Variants in BMPR2 observed in about 807,000 individuals in gnomAD.
BMPR2 encodes the protein bone morphogenetic protein receptor type-2.
BMPR2 carries 29 observed loss-of-function variants against 100.8 expected under a neutral mutation model. That is an observed-to-expected ratio of 0.29 (90% CI 0.21 to 0.39). The LOEUF (loss-of-function observed/expected upper bound fraction) is 0.39, where lower values mean the gene tolerates loss of function less well. Among genes scored for constraint, BMPR2 ranks in the 10% least tolerant of loss-of-function variants. The probability of loss-of-function intolerance (pLI) is 1.00; values close to 1 mark genes in which losing one functional copy is unlikely to be tolerated. For missense variants in BMPR2, 1,011 were observed against 1,274.5 expected, an observed-to-expected ratio of 0.79 and a Z score of 3.15; for synonymous variants, 382 against 442.3, an observed-to-expected ratio of 0.86 and a Z score of 1.71.
At chr2:202,390,540 T>C (rs565056948) in intron 1 of BMPR2, among the ~76,000 whole-genome samples, 30 of 151,986 alleles carry the variant, frequency 2.0e-4, no homozygotes, top group Middle Eastern at 6.8e-3. Flanking sequence ...CCATGTTGGC[T>C]GGGCTGGTCT....
intron 3 of BMPR2, among the ~76,000 whole-genome samples, chr2:202,490,037 G>A (rs183125955): frequency 1.4e-3 from 210 of 152,264 alleles, no homozygotes; most frequent in African/African-American, 5.0e-3. Flanking sequence ...TGGGACCCAC[G>A]ATCAAGGGGC....
chr2:202,559,765 A>G lies in BMPR2; in HGVS notation c.2936A>G (p.Tyr979Cys). The change falls in exon 13 of 13, where the codon TAT becomes TGT. Residue 979 changes from tyrosine to cysteine, a missense_variant. By Grantham distance (194) the Tyr-to-Cys change is radical (BLOSUM62 -2). Coordinates refer to ENST00000374580, the MANE Select transcript of BMPR2 (RefSeq NM_001204.7). ...EKIKKRVKTPYSLKRWRPSTW... is the reference protein window; with the variant it reads ...EKIKKRVKTPCSLKRWRPSTW... ...ATCAAGAAACGTGTGAAAACTCCCT[A>G]TTCTCTTAAGCGGTGGCGCCCCTCC... 6.2e-7 allele frequency: 1 copy of G among 1,614,126 alleles called. No homozygotes were observed. The highest frequency in any genetic ancestry group is 8.5e-7 in the Non-Finnish European group (1 of 1,180,014).
chr2:202,437,784 CAT>C (rs1379556424), intron 1 of BMPR2, among the ~76,000 whole-genome samples: 1 of 150,690 alleles, frequency 6.6e-6, no homozygotes, highest in Non-Finnish European at 1.5e-5. Context: ...CATGTTGTAA[CAT>C]ATATCCAGCA....
At chr2:202,512,654 A>G (rs1453108342) in intron 3 of BMPR2, among the ~76,000 whole-genome samples, 2 of 152,134 alleles carry the variant, frequency 1.3e-5, no homozygotes, top group Admixed American at 6.5e-5. Flanking sequence ...CCTAAAGGGT[A>G]TTTGCTCTAG....
intron 1 of BMPR2, among the ~76,000 whole-genome samples, chr2:202,396,152 G>A (rs1209158373): frequency 6.6e-6 from 1 of 152,162 alleles, no homozygotes; most frequent in Non-Finnish European, 1.5e-5. Flanking sequence ...ACATGAAAAG[G>A]AAGGGAAAAA....
At chr2:202,513,676 T>G in intron 3 of BMPR2, 43 bp from the exon 4 acceptor site, 1 of 1,127,086 alleles carries the variant, frequency 8.9e-7, no homozygotes, top group Non-Finnish European at 1.3e-6. Flanking sequence ...AACAAAATAC[T>G]TTTTTAAAAA....
chr2:202,525,156 A>C (rs1213106434), intron 7 of BMPR2, among the ~76,000 whole-genome samples: 3 of 151,714 alleles, frequency 2.0e-5, no homozygotes, highest in Non-Finnish European at 4.4e-5. Context: ...TTAATTTTTA[A>C]TTTTTGTGGG....
intron 1 of BMPR2, among the ~76,000 whole-genome samples, chr2:202,411,043 C>CCA (rs1225895534): frequency 6.6e-6 from 1 of 152,038 alleles, no homozygotes; most frequent in African/African-American, 2.4e-5. Flanking sequence ...TAGGCGATCT[C>CCA]CATGGCAGGT....
chr2:202,547,908 AC>A (rs1688405033), intron 10 of BMPR2, among the ~76,000 whole-genome samples: 1 of 151,840 alleles, frequency 6.6e-6, no homozygotes, highest in South Asian at 2.1e-4. Flanking sequence ...ACATGGTGAA[AC>A]CCTGTCTCTA....
chr2:202,457,564 AG>A (rs1692144855), intron 1 of BMPR2, among the ~76,000 whole-genome samples: 1 of 41,868 alleles, frequency 2.4e-5, no homozygotes, highest in Non-Finnish European at 4.9e-5. Flanking sequence ...ATATATATAG[AG>A]AGAGAGAGAG....
At chr2:202,462,355 G>C (rs1692239665) in intron 1 of BMPR2, among the ~76,000 whole-genome samples, 1 of 151,806 alleles carries the variant, frequency 6.6e-6, no homozygotes, top group South Asian at 2.1e-4. Context: ...TGAGTAGCTG[G>C]GATTACAGGC....
At position 202,520,202 on chromosome 2, in the gene BMPR2, GT is replaced by G; in HGVS notation, c.967+2del. 1 of 1,602,036 alleles carries G rather than the reference GT, an allele frequency of 6.2e-7. No homozygotes were observed. The highest frequency in any genetic ancestry group is 8.6e-7 in the Non-Finnish European group (1 of 1,169,160). ...CTTCACACAGAATTACCACGAGGAG[GT>G]AAGATAGTCAATAGATGAAATTGAC... On this transcript the variant is annotated splice_donor_variant, in intron 7 of 12. Coordinates refer to ENST00000374580, the MANE Select transcript of BMPR2 (RefSeq NM_001204.7). LOFTEE classifies it high-confidence loss of function.
chr2:202,469,901 T>C (rs1404356775), intron 3 of BMPR2, among the ~76,000 whole-genome samples: 3 of 152,242 alleles, frequency 2.0e-5, no homozygotes, highest in Non-Finnish European at 1.5e-5. Flanking sequence ...ATAAGCACAG[T>C]ATTTGACTAT....
chr2:202,546,899 G>A (rs1336412232), intron 10 of BMPR2, among the ~76,000 whole-genome samples: 1 of 143,382 alleles, frequency 7.0e-6, no homozygotes, highest in East Asian at 2.1e-4. Context: ...ACCGTGCCCA[G>A]CCGGTGTTTT....
chr2:202,530,671 C>T (rs375585124), intron 7 of BMPR2, 123 bp from the exon 8 acceptor site: 5 of 671,114 alleles, frequency 7.5e-6, no homozygotes, highest in African/African-American at 3.8e-5. Context: ...TCCGATTTCT[C>T]TTTTTTTGTT....
chr2:202,420,544 T>A (rs1691239506), intron 1 of BMPR2, among the ~76,000 whole-genome samples: 1 of 133,922 alleles, frequency 7.5e-6, no homozygotes, highest in Admixed American at 7.5e-5. Context: ...ATGATTTTTT[T>A]TTTTTTTTTT....
At chr2:202,508,575 T>G (rs1687568965) in intron 3 of BMPR2, among the ~76,000 whole-genome samples, 1 of 152,232 alleles carries the variant, frequency 6.6e-6, no homozygotes, top group Admixed American at 6.5e-5. Flanking sequence ...TGGCAGAATG[T>G]CCACTCAGCA....
chr2:202,420,537 A>ATTTT (rs10555458), intron 1 of BMPR2, among the ~76,000 whole-genome samples: 1 of 59,012 alleles, frequency 1.7e-5, no homozygotes, highest in Non-Finnish European at 3.0e-5. Flanking sequence ...TAGAAGCATG[A>ATTTT]TTTTTTTTTT....
chr2:202,457,559 TATAG>T (rs750433111), intron 1 of BMPR2, among the ~76,000 whole-genome samples: 4,475 of 88,834 alleles, frequency 0.05, 73 homozygotes, highest in East Asian at 0.081. Context: ...TATATATATA[TATAG>T]AGAGAGAGAG....
Sources: gnomAD v4.1 joint callset for allele counts (sites outside exome capture counted in the v4.1 genomes callset) on GRCh38, gnomAD v4.1.1 for gene constraint, MANE v1.5 for transcripts, NCBI Gene and HGNC (gene_info 2026-07-23, HGNC 2026-07-21) for gene names.